Variants in PALS1 observed in about 807,000 individuals in gnomAD.
PALS1 encodes the protein protein PALS1.
Under a neutral mutation model 78.9 loss-of-function variants are expected in PALS1, and 31 were observed. The ratio of observed to expected loss-of-function variants is 0.39; its 90% CI spans 0.30 to 0.53. PALS1 has a LOEUF of 0.53. Among genes scored for constraint, PALS1 ranks in the 20% least tolerant of loss-of-function variants. PALS1 has a pLI of 0.67. For synonymous variants in PALS1, 276 were observed against 270.9 expected (o/e 1.02, Z -0.18); for missense variants, 704 against 826.5 (o/e 0.85, Z 1.82).
In PALS1 at chr14:67,312,725, G is replaced by A. The variant is rs890933037; in HGVS notation, c.1225+15G>A. ...GCTTGTTCCAGGTAAGACACAATAT[G>A]GTAGAAAGTACATAATATTAAAAGA... On this transcript the variant is annotated intron_variant, in intron 9 of 14. Transcript: ENST00000261681. The A allele has an allele frequency of 1.9e-6, 3 of 1,542,022 alleles. No individual in the cohort carries two copies. The highest frequency in any genetic ancestry group is 2.8e-5 in the African/African-American group (2 of 72,498).
chr14:67,332,575 A>C lies in PALS1; in HGVS notation c.1852-205A>C, dbSNP rs113176958. ...TATAAAACAGGATATATTGAGTCCC[A>C]GATGGTTCATAATATGAGTCGTGAA... On this transcript the variant is annotated intron_variant, in intron 14 of 14. Transcript: ENST00000261681. 5.3e-3 allele frequency among the ~76,000 whole-genome samples: 814 copies of C among 152,332 alleles called. 7 individuals are homozygous for C. The highest frequency in any genetic ancestry group is 7.8e-3 in the Non-Finnish European group (531 of 68,030).
At chr14:67,302,616 C>G (rs763533228) in intron 7 of PALS1, 45 bp downstream of exon 7, 17 of 1,334,670 alleles carry the variant, frequency 1.3e-5, no homozygotes, top group Non-Finnish European at 1.7e-5. Context: ...TTTTAGAAAG[C>G]TCTTATTAGA....
At chr14:67,286,204 C>T (rs1463993613) in intron 3 of PALS1, among the ~76,000 whole-genome samples, 1 of 152,204 alleles carries the variant, frequency 6.6e-6, no homozygotes, top group African/African-American at 2.4e-5. Context: ...CGCCTTAGTA[C>T]TTACTTTTTT....
intron 4 of PALS1, among the ~76,000 whole-genome samples, chr14:67,300,588 A>G (rs2084918049): frequency 6.6e-6 from 1 of 152,120 alleles, no homozygotes; most frequent in South Asian, 2.1e-4. Flanking sequence ...TTGGCTTCCC[A>G]AAGTGCTGGG....
intron 14 of PALS1, among the ~76,000 whole-genome samples, chr14:67,330,752 C>A (rs2085436003): frequency 6.6e-6 from 1 of 152,170 alleles, no homozygotes. Flanking sequence ...GCCCCCGGCA[C>A]CCCGCTTCCT....
Position 67,292,734 on chromosome 14 carries a change from C to T in PALS1, c.576+15C>T, listed in dbSNP as rs1040360498. 3.7e-6 allele frequency: 6 copies of T among 1,600,048 alleles called. No individual in the cohort carries two copies. The highest frequency in any genetic ancestry group is 5.1e-6 in the Non-Finnish European group (6 of 1,167,962). On this transcript the variant is annotated intron_variant, in intron 4 of 14. Coordinates refer to ENST00000261681, the MANE Select transcript of PALS1 (RefSeq NM_022474.4). ...TTGCTCAAGAGGTATGTATTCTAAACATCTTGTTGATGTCTACAAGGTAAT... is the reference window on the plus strand; with the variant it reads ...TTGCTCAAGAGGTATGTATTCTAAATATCTTGTTGATGTCTACAAGGTAAT...
intron 8 of PALS1, among the ~76,000 whole-genome samples, chr14:67,306,176 G>A (rs1014662433): frequency 3.3e-5 from 5 of 152,018 alleles, no homozygotes; most frequent in Non-Finnish European, 1.5e-5. Context: ...CACTATGTTG[G>A]CCATGCTGGT....
At chr14:67,326,061 G>A (rs1251747758) in intron 14 of PALS1, among the ~76,000 whole-genome samples, 3 of 142,278 alleles carry the variant, frequency 2.1e-5, no homozygotes, top group East Asian at 2.0e-4. Flanking sequence ...TCGTGACCTC[G>A]TGATCCAGCC....
intron 13 of PALS1, among the ~76,000 whole-genome samples, chr14:67,322,199 T>C (rs984685260): frequency 1.3e-5 from 2 of 151,936 alleles, no homozygotes; most frequent in Non-Finnish European, 2.9e-5. Flanking sequence ...TTAAAAAAAA[T>C]TAGCCAGGTG....
At position 67,334,325 on chromosome 14, in the gene PALS1, T is replaced by G. The variant is rs909517189; in HGVS notation, c.*1369T>G. 1 of 152,634 alleles carries G rather than the reference T, an allele frequency of 6.6e-6. No individual in the cohort carries two copies. Among genetic ancestry groups the G allele is most frequent in the Non-Finnish European group, 1.5e-5 (1 of 68,024 alleles). The allele number at this position is 152,634 out of a possible 1,614,324, so 9.5% of individuals were successfully genotyped here. On this transcript the variant is annotated 3_prime_UTR_variant, in exon 15 of 15. Transcript: ENST00000261681. The stretch of plus-strand genomic sequence containing the variant: ...TATATAATTGGCATGGAAACTTAAT[T>G]TGCAGTCTTTTCAAGCCTTTAGGAT...
intron 1 of PALS1, among the ~76,000 whole-genome samples, chr14:67,255,390 T>C (rs1413626382): frequency 6.6e-6 from 1 of 152,128 alleles, no homozygotes; most frequent in African/African-American, 2.4e-5. Flanking sequence ...TATTTGAAAG[T>C]GTTAGAGGTC....
intron 1 of PALS1, among the ~76,000 whole-genome samples, chr14:67,263,389 T>TA (rs750163798): frequency 1.3e-5 from 2 of 152,008 alleles, no homozygotes; most frequent in Non-Finnish European, 2.9e-5. Flanking sequence ...ACTTTAGGGA[T>TA]AAAAAAACAA....
intron 9 of PALS1, among the ~76,000 whole-genome samples, chr14:67,314,851 G>T (rs1370034489): frequency 1.3e-5 from 2 of 152,330 alleles, no homozygotes; most frequent in East Asian, 1.9e-4. Flanking sequence ...AGCACTTTGG[G>T]AGGCTGAGGT....
intron 1 of PALS1, among the ~76,000 whole-genome samples, chr14:67,250,784 T>C (rs1034371490): frequency 1.3e-5 from 2 of 152,234 alleles, no homozygotes; most frequent in Admixed American, 1.3e-4. Context: ...TTTGTAGGCA[T>C]CCTAAAGGAA....
rs574703950 is a variant in PALS1 at position 67,307,761 on chromosome 14, C to T, written c.1041+4162C>T. ...ACTTTAAGAGTTAAAGATAAATCTG[C>T]GATAGTAAGAGATACAGAAATAAAA... On this transcript the variant is annotated intron_variant, in intron 8 of 14. Coordinates refer to ENST00000261681, the MANE Select transcript of PALS1 (RefSeq NM_022474.4). Among the ~76,000 whole-genome samples the T allele has an allele frequency of 9.9e-5, 15 of 151,478 alleles. No homozygotes were observed. In the South Asian group the frequency reaches 1.9e-3, roughly 19 times the overall value.
In PALS1 at chr14:67,312,513, T is replaced by G. The variant is rs746384304; in HGVS notation, c.1042-14T>G. 6.6e-7 allele frequency: 1 copy of G among 1,512,468 alleles called. No homozygotes were observed. Among genetic ancestry groups the G allele is most frequent in the South Asian group, 1.4e-5 (1 of 70,696 alleles). The allele number at this position is 1,512,468 out of a possible 1,614,324, so 93.7% of individuals were successfully genotyped here. On this transcript the variant is annotated splice_polypyrimidine_tract_variant and intron_variant, in intron 8 of 14. Coordinates refer to ENST00000261681, the MANE Select transcript of PALS1 (RefSeq NM_022474.4). Reference sequence around the variant, plus strand: ...TTGCCATTTATTGTTGTTTTTGCCCTTTTTATCTTTTAGATCCATGTAAAA... The same window carrying G: ...TTGCCATTTATTGTTGTTTTTGCCCGTTTTATCTTTTAGATCCATGTAAAA...
In PALS1 at chr14:67,335,733, G is replaced by A. The variant is rs964122247; in HGVS notation, c.*2777G>A. ...TAATCCCCCTTTGTACTCTTTTCCT[G>A]TATCTGCACTGTTATTTTGAGATGT... On this transcript the variant is annotated 3_prime_UTR_variant, in exon 15 of 15. Transcript: ENST00000261681. 1.2e-4 allele frequency: 18 copies of A among 149,860 alleles called. No homozygotes were observed. The highest frequency in any genetic ancestry group is 4.6e-4 in the African/African-American group (18 of 39,214). The allele number at this position is 149,860 out of a possible 1,614,324, so 9.3% of individuals were successfully genotyped here. A position where few individuals can be genotyped will look rare whatever the true frequency, so the allele number is the denominator to read the frequency against.
At chr14:67,266,810 A>T (rs1235524541) in intron 1 of PALS1, among the ~76,000 whole-genome samples, 1 of 152,058 alleles carries the variant, frequency 6.6e-6, no homozygotes, top group Non-Finnish European at 1.5e-5. Flanking sequence ...GTTATCTTTT[A>T]AAAAAACTTC....
chr14:67,332,576 G>C (rs535276492), intron 14 of PALS1, among the ~76,000 whole-genome samples: 1 of 152,312 alleles, frequency 6.6e-6, no homozygotes, highest in East Asian at 1.9e-4. Context: ...TTGAGTCCCA[G>C]ATGGTTCATA....
Sources: gnomAD v4.1 joint callset for allele counts (sites outside exome capture counted in the v4.1 genomes callset) on GRCh38, gnomAD v4.1.1 for gene constraint, MANE v1.5 for transcripts, NCBI Gene and HGNC (gene_info 2026-07-23, HGNC 2026-07-21) for gene names.